Variants in KMT2C observed in about 807,000 individuals in gnomAD.
The protein encoded by KMT2C is histone-lysine N-methyltransferase 2C.
In KMT2C, 88 loss-of-function variants were observed where a neutral mutation model predicts 507.9. The observed-to-expected ratio is 0.17, with a 90% CI of 0.15 to 0.21. KMT2C has a LOEUF of 0.21. KMT2C is among the 10% of genes least tolerant of loss of function. KMT2C has a pLI of 1.00. For synonymous variants in KMT2C, 2,049 were observed against 2,080.8 expected, an observed-to-expected ratio of 0.98 and a Z score of 0.42; for missense variants, 4,954 against 5,957.8, an observed-to-expected ratio of 0.83 and a Z score of 5.55.
rs746698504 is a variant in KMT2C at position 152,162,205 on chromosome 7, T to C, written c.11372A>G (p.Asn3791Ser). ...LKNKKSSSLL[N>S]QKPEGSICSE... ...ACAAATACTGCCCTCAGGTTTTTGATTCAAAAGAGAAGATGACTTTTTATT... is the reference window on the plus strand; with the variant it reads ...ACAAATACTGCCCTCAGGTTTTTGACTCAAAAGAGAAGATGACTTTTTATT... Residue 3791 changes from asparagine to serine, a missense_variant, in exon 43 of 59, where the codon AAT (asparagine) becomes AGT (serine). By Grantham distance (46) the Asn-to-Ser change is conservative. Transcript: ENST00000262189. The C allele has an allele frequency of 2.3e-5, 37 of 1,613,792 alleles. 1 individual carries two copies. The South Asian group carries it at 2.4e-4, about 11-fold the overall frequency.
chr7:152,383,491 C>T (rs953715713), intron 1 of KMT2C, among the ~76,000 whole-genome samples: 3 of 152,050 alleles, frequency 2.0e-5, no homozygotes, highest in African/African-American at 7.3e-5. Flanking sequence ...TGATAGAAAG[C>T]TAAGGGGAAG....
At chr7:152,241,265 T>C (rs1365764231) in intron 14 of KMT2C, among the ~76,000 whole-genome samples, 2 of 152,124 alleles carry the variant, frequency 1.3e-5, no homozygotes, top group East Asian at 1.9e-4. Flanking sequence ...GGTGGTGCGA[T>C]CTCGGCTCAC....
At chr7:152,250,467 G>C (rs1460079422) in intron 12 of KMT2C, among the ~76,000 whole-genome samples, 1 of 152,142 alleles carries the variant, frequency 6.6e-6, no homozygotes, top group South Asian at 2.1e-4. Context: ...GAAACATCAT[G>C]GAAATAAGTG....
rs2116822636 is a variant in KMT2C, at chr7:152,435,861, G to C, written c.-75C>G. On this transcript the variant is annotated 5_prime_UTR_variant, in exon 1 of 59. Transcript: ENST00000262189. ...TCCCGCCGCCGCGGCCGCCGCCGCCGCCGCTGCTGCTCGGGTTCCTCCTCC... is the reference window on the plus strand; with the variant it reads ...TCCCGCCGCCGCGGCCGCCGCCGCCCCCGCTGCTGCTCGGGTTCCTCCTCC... The C allele has an allele frequency of 7.2e-7, 1 of 1,384,866 alleles. No individual in the cohort carries two copies. Among genetic ancestry groups the C allele is most frequent in the South Asian group, 1.6e-5 (1 of 62,268 alleles). The allele number at this position is 1,384,866 out of a possible 1,614,324, so 85.8% of individuals were successfully genotyped here. A position where few individuals can be genotyped will look rare whatever the true frequency, so the allele number is the denominator to read the frequency against.
intron 9 of KMT2C, among the ~76,000 whole-genome samples, chr7:152,258,520 C>T (rs1050583379): frequency 2.6e-5 from 4 of 151,572 alleles, no homozygotes; most frequent in African/African-American, 7.3e-5. Flanking sequence ...GTTGTTGTTG[C>T]TGTTGTTGTT....
Position 152,145,030 on chromosome 7 carries a change from AT to A in KMT2C, c.14174+122del, listed in dbSNP as rs1427780874. Reference sequence around the variant, plus strand: ...GCAGAGACACACGGCGAGTTCTCTTATGTAGTTGGGCACATACACAGCCAGA... The same window carrying A: ...GCAGAGACACACGGCGAGTTCTCTTAGTAGTTGGGCACATACACAGCCAGA... On this transcript the variant is annotated intron_variant, in intron 54 of 58. Coordinates refer to ENST00000262189, the MANE Select transcript of KMT2C (RefSeq NM_170606.3). 13 of 1,385,498 alleles carry A rather than the reference AT, an allele frequency of 9.4e-6. No individual in the cohort carries two copies. The East Asian group carries it at 3.0e-4, about 32-fold the overall frequency. 85.8% of individuals were successfully genotyped at this position (1,385,498 alleles called of 1,614,324 possible).
chr7:152,177,473 A>G lies in KMT2C; in HGVS notation c.7980T>C (p.Ala2660=), dbSNP rs2129114872. The change falls in exon 38 of 59, where the codon GCT becomes GCC. Residue 2660 remains alanine (A), a synonymous_variant. Coordinates refer to ENST00000262189, the MANE Select transcript of KMT2C (RefSeq NM_170606.3). Reference sequence around the variant, plus strand: ...CAGACGGTACAGATGTTGACAAAGGAGCTTCTGAAAATTCACCACCTAGTG... The same window carrying G: ...CAGACGGTACAGATGTTGACAAAGGGGCTTCTGAAAATTCACCACCTAGTG... ...NHPLGGEFSE[A]PLSTSVPSET... 1 of 1,614,192 alleles carries G rather than the reference A, an allele frequency of 6.2e-7. No homozygotes were observed. The highest frequency in any genetic ancestry group is 8.5e-7 in the Non-Finnish European group (1 of 1,180,038).
chr7:152,268,620 A>T (rs1411735088), intron 7 of KMT2C, among the ~76,000 whole-genome samples: 1 of 152,216 alleles, frequency 6.6e-6, no homozygotes, highest in Non-Finnish European at 1.5e-5. Flanking sequence ...GATAGAAAGG[A>T]CATAACTGGG....
chr7:152,311,539 T>C (rs867668273), intron 5 of KMT2C, among the ~76,000 whole-genome samples: 3 of 149,952 alleles, frequency 2.0e-5, no homozygotes, highest in African/African-American at 7.4e-5. Context: ...AATTGTCAGA[T>C]CTCCATGGCA....
chr7:152,293,896 T>A (rs1011415152), intron 6 of KMT2C, among the ~76,000 whole-genome samples: 7 of 152,206 alleles, frequency 4.6e-5, no homozygotes, highest in African/African-American at 1.7e-4. Context: ...CTGGCTCTGT[T>A]GCCCAGGCTG....
At chr7:152,376,507 T>C (rs2097329579) in intron 1 of KMT2C, among the ~76,000 whole-genome samples, 1 of 152,244 alleles carries the variant, frequency 6.6e-6, no homozygotes, top group African/African-American at 2.4e-5. Context: ...TGAAACAATC[T>C]TGTTGCTAAT....
intron 6 of KMT2C, among the ~76,000 whole-genome samples, chr7:152,301,736 T>G (rs1362696493): frequency 6.6e-6 from 1 of 152,122 alleles, no homozygotes; most frequent in African/African-American, 2.4e-5. Context: ...GGATACATAC[T>G]TTAAGAATTT....
At chr7:152,346,671 A>C (rs975564292) in intron 2 of KMT2C, among the ~76,000 whole-genome samples, 5 of 152,220 alleles carry the variant, frequency 3.3e-5, no homozygotes, top group African/African-American at 1.2e-4. Flanking sequence ...ACACAGTCAA[A>C]AATCTGTGTA....
intron 6 of KMT2C, among the ~76,000 whole-genome samples, chr7:152,283,917 TAACTC>T (rs150325327): frequency 0.01 from 1,598 of 152,240 alleles, 17 homozygotes; most frequent in African/African-American, 0.037. Flanking sequence ...TCACAGCAAA[TAACTC>T]AAATCTTTTA....
At chr7:152,244,712 C>A (rs1311783517) in intron 14 of KMT2C, among the ~76,000 whole-genome samples, 9 of 152,008 alleles carry the variant, frequency 5.9e-5, no homozygotes, top group African/African-American at 1.9e-4. Context: ...TGAAATCCTG[C>A]GTCTACAATA....
chr7:152,158,726 A>C (rs1354752829), intron 44 of KMT2C, 137 bp downstream of exon 44: 1 of 750,966 alleles, frequency 1.3e-6, no homozygotes, highest in African/African-American at 1.7e-5. Flanking sequence ...ATGTTGGCTA[A>C]GCTCATCTAG....
chr7:152,290,471 G>A lies in KMT2C; in HGVS notation c.850-16604C>T, dbSNP rs958115095. 1.1e-4 allele frequency among the ~76,000 whole-genome samples: 17 copies of A among 150,026 alleles called. No individual in the cohort carries two copies. The East Asian group carries it at 1.8e-3, about 16-fold the overall frequency. ...ACTGCAGGTGCCTGCTACCATGCCC[G>A]GCTGATTTTTGTATTTTTAGTAGAG... On this transcript the variant is annotated intron_variant, in intron 6 of 58. Transcript: ENST00000262189.
At chr7:152,298,595 A>G (rs186495888) in intron 6 of KMT2C, among the ~76,000 whole-genome samples, 48 of 152,324 alleles carry the variant, frequency 3.2e-4, no homozygotes, top group Admixed American at 7.8e-4. Flanking sequence ...AAACATAAAT[A>G]ATGAAATAAT....
chr7:152,394,793 A>T (rs938947024), intron 1 of KMT2C, among the ~76,000 whole-genome samples: 11 of 152,212 alleles, frequency 7.2e-5, no homozygotes, highest in African/African-American at 2.4e-4. Context: ...TTTAGGTGGT[A>T]AATGATTATT....
Sources: gnomAD v4.1 joint callset for allele counts (sites outside exome capture counted in the v4.1 genomes callset) on GRCh38, gnomAD v4.1.1 for gene constraint, MANE v1.5 for transcripts, NCBI Gene and HGNC (gene_info 2026-07-23, HGNC 2026-07-21) for gene names.